Variants in USP46 observed in about 807,000 individuals in gnomAD.
USP46 encodes ubiquitin carboxyl-terminal hydrolase 46.
A neutral mutation model predicts 44.4 loss-of-function variants in USP46; 12 were observed. That is an observed-to-expected ratio of 0.27 (90% CI 0.17 to 0.44). The LOEUF (loss-of-function observed/expected upper bound fraction) is 0.44. Ranked by LOEUF, USP46 falls within the 20% of genes least tolerant of loss-of-function variation. The pLI is 1.00. For missense variants in USP46, 248 were observed against 444.8 expected (o/e 0.56, Z 3.98); for synonymous variants, 155 against 161.5 (o/e 0.96, Z 0.31).
At chr4:52,623,533 T>G (rs1164235354) in intron 4 of USP46, among the ~76,000 whole-genome samples, 2 of 152,116 alleles carry the variant, frequency 1.3e-5, no homozygotes, top group Non-Finnish European at 2.9e-5. Context: ...CTAAATGAAT[T>G]TGGAAATGTA....
chr4:52,645,958 T>A (rs1718537371), intron 1 of USP46, among the ~76,000 whole-genome samples: 2 of 152,196 alleles, frequency 1.3e-5, no homozygotes, highest in Admixed American at 1.3e-4. Flanking sequence ...GTGCCTGCTT[T>A]CCCTACACCT....
chr4:52,626,538 T>C (rs1717593187), intron 3 of USP46, among the ~76,000 whole-genome samples: 1 of 152,138 alleles, frequency 6.6e-6, no homozygotes, highest in Non-Finnish European at 1.5e-5. Context: ...TTGGCCAGGA[T>C]GGTCTCAATC....
At chr4:52,652,324 A>C (rs1395616438) in intron 1 of USP46, among the ~76,000 whole-genome samples, 1 of 152,212 alleles carries the variant, frequency 6.6e-6, no homozygotes. Flanking sequence ...TTTGGAGAGC[A>C]ATCAGGCAAC....
At chr4:52,613,796 C>A (rs570483773) in intron 4 of USP46, among the ~76,000 whole-genome samples, 123 of 151,636 alleles carry the variant, frequency 8.1e-4, no homozygotes, top group African/African-American at 2.8e-3. Context: ...TCTCAATGTT[C>A]TGAATAAGAT....
chr4:52,594,989 A>T lies in USP46; in HGVS notation c.*2651T>A, dbSNP rs1259405167. 2 of 152,322 alleles carry T rather than the reference A, an allele frequency of 1.3e-5. No individual in the cohort carries two copies. The highest frequency in any genetic ancestry group is 3.8e-4 in the East Asian group (2 of 5,200). 9.4% of individuals were successfully genotyped at this position (152,322 alleles called of 1,614,324 possible). On this transcript the variant is annotated 3_prime_UTR_variant, in exon 9 of 9. Transcript: ENST00000441222. ...TTTTTAGCATGCTGTGCCATAACCT[A>T]GAGGCTAAACTAGTAAGTAACCAAT... is the stretch of plus-strand genomic sequence containing the variant.
intron 4 of USP46, among the ~76,000 whole-genome samples, chr4:52,619,993 A>G (rs1717320568): frequency 6.6e-6 from 1 of 152,282 alleles, no homozygotes; most frequent in African/African-American, 2.4e-5. Flanking sequence ...ATACCTGCAC[A>G]CTCATCTACT....
chr4:52,606,737 C>A (rs1263196523), intron 5 of USP46, among the ~76,000 whole-genome samples: 1 of 152,138 alleles, frequency 6.6e-6, no homozygotes, highest in Non-Finnish European at 1.5e-5. Context: ...ACAGTCTCAA[C>A]AAAGAAACGA....
At chr4:52,610,086 C>T (rs1287939566) in intron 5 of USP46, among the ~76,000 whole-genome samples, 4 of 149,442 alleles carry the variant, frequency 2.7e-5, no homozygotes, top group African/African-American at 4.9e-5. Context: ...CCACCATGCC[C>T]GGCTAATTTT....
chr4:52,656,360 C>A, intron 1 of USP46: 1 of 1,549,656 alleles, frequency 6.5e-7, no homozygotes, highest in African/African-American at 1.4e-5. Context: ...TACGTCTGAT[C>A]CAGTGAAAAG....
chr4:52,642,933 GGAGA>G (rs1326077609), intron 1 of USP46, among the ~76,000 whole-genome samples: 3 of 152,088 alleles, frequency 2.0e-5, no homozygotes, highest in African/African-American at 4.8e-5. Flanking sequence ...AATGGAAAAG[GGAGA>G]GAAAGAAAGT....
Position 52,626,124 on chromosome 4 carries a change from C to A in USP46, c.455G>T (p.Gly152Val), listed in dbSNP as rs1206157364. The change falls in exon 4 of 9, where the codon GGC (glycine) becomes GTC (valine). Residue 152 changes from glycine to valine, a missense_variant. Physicochemically the swap from Gly to Val is moderately radical, Grantham distance 109. Transcript: ENST00000441222. ...QEKQNGKLKNGNMNEPAENNK... is the reference protein window; with the variant it reads ...QEKQNGKLKNVNMNEPAENNK... ...ATTTTCCGCAGGTTCGTTCATGTTG[C>A]CATTTTTTAATTTTCCATTTTGTTT... is the stretch of plus-strand genomic sequence containing the variant. The A allele has an allele frequency of 6.2e-7, 1 of 1,613,836 alleles. No homozygotes were observed. The highest frequency in any genetic ancestry group is 1.1e-5 in the South Asian group (1 of 91,070).
At chr4:52,601,406 G>C (rs1006068032) in intron 7 of USP46, among the ~76,000 whole-genome samples, 18 of 151,886 alleles carry the variant, frequency 1.2e-4, no homozygotes, top group African/African-American at 4.1e-4. Flanking sequence ...AAATAACAAA[G>C]AATATTTTTT....
At chr4:52,618,113 G>A (rs1717235534) in intron 4 of USP46, among the ~76,000 whole-genome samples, 1 of 152,088 alleles carries the variant, frequency 6.6e-6, no homozygotes, top group South Asian at 2.1e-4. Flanking sequence ...AGGCACAGTA[G>A]TGGCTCACGC....
intron 5 of USP46, 128 bp downstream of exon 5, chr4:52,610,413 G>C: frequency 2.6e-6 from 2 of 780,270 alleles, no homozygotes; most frequent in Non-Finnish European, 4.1e-6. Context: ...GGAAAGGAGA[G>C]ATAGAAAATA....
At chr4:52,658,986 G>C (rs547018072) in intron 1 of USP46, 129 bp downstream of exon 1, 27,749 of 1,182,122 alleles carry the variant, frequency 0.023, 381 homozygotes, top group Middle Eastern at 0.039. Context: ...CTCGGGGGCC[G>C]GGAACTTCTG....
intron 7 of USP46, among the ~76,000 whole-genome samples, 163 bp from the exon 8 acceptor site, chr4:52,598,869 G>A (rs1240642216): frequency 6.6e-6 from 1 of 152,182 alleles, no homozygotes; most frequent in East Asian, 1.9e-4. Context: ...CACCATGCTG[G>A]ACACAGGGGA....
At chr4:52,601,766 C>T in intron 7 of USP46, 91 bp downstream of exon 7, 1 of 1,362,156 alleles carries the variant, frequency 7.3e-7, no homozygotes. Context: ...TATTGAGTGC[C>T]ACGGCCCAGG....
intron 1 of USP46, chr4:52,658,219 G>C (rs534181911): frequency 2.0e-5 from 9 of 455,966 alleles, no homozygotes; most frequent in African/African-American, 1.8e-4. Context: ...GCTCCCCAAA[G>C]GCTCTGACAA....
intron 1 of USP46, among the ~76,000 whole-genome samples, chr4:52,644,767 A>G (rs1235805290): frequency 6.6e-6 from 1 of 151,888 alleles, no homozygotes; most frequent in Non-Finnish European, 1.5e-5. Context: ...AACCTCTGAA[A>G]AAAACCTTGG....
Sources: gnomAD v4.1 joint callset for allele counts (sites outside exome capture counted in the v4.1 genomes callset) on GRCh38, gnomAD v4.1.1 for gene constraint, MANE v1.5 for transcripts, NCBI Gene and HGNC (gene_info 2026-07-23, HGNC 2026-07-21) for gene names.